ROBO1: variants seen among roughly 807,000 people sequenced by gnomAD.
ROBO1 encodes the protein roundabout homolog 1.
ROBO1 carries 149 observed loss-of-function variants against 195.9 expected under a neutral mutation model. That is an observed-to-expected ratio of 0.76 (90% CI 0.67 to 0.87). The LOEUF (loss-of-function observed/expected upper bound fraction) is 0.87, where lower values mean the gene tolerates loss of function less well. Among genes scored for constraint, ROBO1 ranks in the 40% least tolerant of loss-of-function variants. The pLI, the probability that ROBO1 is intolerant of heterozygous loss-of-function variation, is 0.00. For missense variants in ROBO1, 1,933 were observed against 2,068.3 expected, an observed-to-expected ratio of 0.93 and a Z score of 1.27; for synonymous variants, 816 against 733.2, an observed-to-expected ratio of 1.11 and a Z score of -1.82.
chr3:79,180,597 C>T (rs763072093), intron 2 of ROBO1, among the ~76,000 whole-genome samples: 3 of 152,114 alleles, frequency 2.0e-5, no homozygotes, highest in Admixed American at 6.5e-5. Flanking sequence ...GGCAAATTAC[C>T]CCACCATACC....
intron 2 of ROBO1, among the ~76,000 whole-genome samples, chr3:79,532,270 A>G (rs1000100564): frequency 6.6e-6 from 1 of 152,196 alleles, no homozygotes; most frequent in Admixed American, 6.6e-5. Flanking sequence ...CACTGCTTAT[A>G]GTTTGTCAGT....
At chr3:79,110,179 C>T (rs2079860018) in intron 3 of ROBO1, among the ~76,000 whole-genome samples, 1 of 152,078 alleles carries the variant, frequency 6.6e-6, no homozygotes, top group African/African-American at 2.4e-5. Flanking sequence ...GCCAAATAAT[C>T]AGTGCTGTGT....
chr3:79,572,501 A>G (rs1943312481), intron 2 of ROBO1, among the ~76,000 whole-genome samples: 1 of 152,126 alleles, frequency 6.6e-6, no homozygotes, highest in South Asian at 2.1e-4. Flanking sequence ...TATAATAAAC[A>G]TGTATTGTCC....
chr3:79,428,231 G>T (rs891895578), intron 2 of ROBO1, among the ~76,000 whole-genome samples: 2 of 152,000 alleles, frequency 1.3e-5, no homozygotes, highest in Non-Finnish European at 2.9e-5. Context: ...GATACCAATA[G>T]AGGTATCAAA....
chr3:78,673,611 C>CACAT (rs1708228266), intron 10 of ROBO1, among the ~76,000 whole-genome samples: 1 of 88,586 alleles, frequency 1.1e-5, no homozygotes, highest in Non-Finnish European at 2.3e-5. Flanking sequence ...TATATACACA[C>CACAT]ATATATTACA....
At chr3:78,932,025 C>T (rs1323871924) in intron 4 of ROBO1, among the ~76,000 whole-genome samples, 2 of 152,092 alleles carry the variant, frequency 1.3e-5, no homozygotes, top group African/African-American at 4.8e-5. Context: ...TTCAGTTAAA[C>T]TCTACGGTAT....
At chr3:79,568,452 T>TA (rs1294498607) in intron 2 of ROBO1, among the ~76,000 whole-genome samples, 1 of 147,706 alleles carries the variant, frequency 6.8e-6, no homozygotes, top group African/African-American at 2.5e-5. Context: ...TATTAATCCA[T>TA]AAAGTTTCTC....
At chr3:79,298,749 CAGAT>C (rs2032730285) in intron 2 of ROBO1, among the ~76,000 whole-genome samples, 1 of 151,968 alleles carries the variant, frequency 6.6e-6, no homozygotes, top group South Asian at 2.1e-4. Flanking sequence ...TTCATGTAAA[CAGAT>C]ACTCAATTAT....
intron 4 of ROBO1, among the ~76,000 whole-genome samples, chr3:78,811,061 C>G (rs1039545926): frequency 1.3e-5 from 2 of 152,040 alleles, no homozygotes; most frequent in African/African-American, 4.8e-5. Flanking sequence ...AAATTATGCT[C>G]TCTCACTGGA....
chr3:78,776,663 T>A (rs752356111), intron 4 of ROBO1, among the ~76,000 whole-genome samples: 37 of 152,340 alleles, frequency 2.4e-4, no homozygotes, highest in Middle Eastern at 3.4e-3. Context: ...ATTCACTAAG[T>A]AAAATTCCTA....
At chr3:78,964,317 G>A (rs1253845309) in intron 3 of ROBO1, among the ~76,000 whole-genome samples, 1 of 152,050 alleles carries the variant, frequency 6.6e-6, no homozygotes, top group African/African-American at 2.4e-5. Context: ...CATTTTGGGG[G>A]ACAAAATTCA....
At chr3:79,576,294 T>C (rs1943483977) in intron 2 of ROBO1, among the ~76,000 whole-genome samples, 1 of 152,024 alleles carries the variant, frequency 6.6e-6, no homozygotes, top group Non-Finnish European at 1.5e-5. Context: ...TTTCCAAACA[T>C]TCTATTTTCA....
chr3:78,845,719 C>A (rs1291331934), intron 4 of ROBO1, among the ~76,000 whole-genome samples: 3 of 123,094 alleles, frequency 2.4e-5, no homozygotes, highest in East Asian at 2.0e-4. Context: ...GTCTGGGGAA[C>A]CCCCGGAGGG....
intron 1 of ROBO1, among the ~76,000 whole-genome samples, chr3:79,674,128 T>C (rs1456722030): frequency 6.6e-6 from 1 of 152,024 alleles, no homozygotes; most frequent in African/African-American, 2.4e-5. Flanking sequence ...GTAGCCAAAG[T>C]TTCTGTTATA....
intron 3 of ROBO1, among the ~76,000 whole-genome samples, chr3:78,945,974 A>T (rs111874282): frequency 0.11 from 16,114 of 151,714 alleles, 2,044 homozygotes; most frequent in African/African-American, 0.31. Flanking sequence ...AGAGAAAAAA[A>T]AAAAATAAAA....
intron 2 of ROBO1, among the ~76,000 whole-genome samples, chr3:79,450,037 G>A (rs1199424752): frequency 6.6e-6 from 1 of 151,622 alleles, no homozygotes; most frequent in Non-Finnish European, 1.5e-5. Flanking sequence ...TTTCTTTGCA[G>A]GGATACAAAC....
chr3:79,568,303 A>G (rs1943155815), intron 2 of ROBO1, among the ~76,000 whole-genome samples: 1 of 152,150 alleles, frequency 6.6e-6, no homozygotes, highest in Non-Finnish European at 1.5e-5. Flanking sequence ...ACCCTTATAA[A>G]GGGGCAAAAG....
intron 2 of ROBO1, among the ~76,000 whole-genome samples, chr3:79,221,269 A>G (rs2082132999): frequency 6.6e-6 from 1 of 152,112 alleles, no homozygotes. Flanking sequence ...TCATCATTTT[A>G]TATCATCCCC....
intron 21 of ROBO1, among the ~76,000 whole-genome samples, chr3:78,642,225 G>C (rs1303289572): frequency 2.0e-5 from 3 of 152,102 alleles, no homozygotes; most frequent in Non-Finnish European, 4.4e-5. Flanking sequence ...GAAGAAAAAA[G>C]AGGGCAAATG....
Sources: gnomAD v4.1 joint callset for allele counts (sites outside exome capture counted in the v4.1 genomes callset) on GRCh38, gnomAD v4.1.1 for gene constraint, MANE v1.5 for transcripts, NCBI Gene and HGNC (gene_info 2026-07-23, HGNC 2026-07-21) for gene names.